The following PSD3 variants were observed in gnomAD, a reference collection of about 807,000 sequenced individuals.
PSD3 encodes PH and SEC7 domain-containing protein 3.
Under a neutral mutation model 105.5 loss-of-function variants are expected in PSD3, and 49 were observed. The ratio of observed to expected loss-of-function variants is 0.46; its 90% CI spans 0.37 to 0.59. The LOEUF is 0.59. Ranked by LOEUF, PSD3 falls within the 20% of genes least tolerant of loss-of-function variation. The probability of loss-of-function intolerance (pLI) is 0.00; values close to 1 mark genes in which losing one functional copy is unlikely to be tolerated. For synonymous variants in PSD3, 557 were observed against 457.8 expected (o/e 1.22, Z -2.77); for missense variants, 1,561 against 1,263.8 (o/e 1.24, Z -3.57).
chr8:18,577,605 T>C (rs1357905591), intron 12 of PSD3, among the ~76,000 whole-genome samples: 1 of 27,478 alleles, frequency 3.6e-5, no homozygotes, highest in African/African-American at 7.6e-5. Context: ...TTACTTAAAA[T>C]GTTCTTCTTT....
chr8:18,600,298 C>T (rs1804342034), intron 12 of PSD3, 66 bp downstream of exon 12: 4 of 1,382,362 alleles, frequency 2.9e-6, no homozygotes, highest in Admixed American at 1.7e-5. Flanking sequence ...ACCGTACATA[C>T]ATATACTGGA....
intron 1 of PSD3, among the ~76,000 whole-genome samples, chr8:18,967,250 G>C (rs941687305): frequency 6.6e-6 from 1 of 151,684 alleles, no homozygotes; most frequent in Non-Finnish European, 1.5e-5. Flanking sequence ...CTGCCTCCCA[G>C]GTTCAAGTGA....
intron 2 of PSD3, among the ~76,000 whole-genome samples, chr8:18,891,343 A>G (rs1818768615): frequency 6.6e-6 from 1 of 152,130 alleles, no homozygotes; most frequent in African/African-American, 2.4e-5. Flanking sequence ...ACAATAAATA[A>G]ATGCGTTTTC....
At chr8:18,570,843 C>CTATCATTATTATTAT (rs149261930) in intron 14 of PSD3, among the ~76,000 whole-genome samples, 8 of 117,418 alleles carry the variant, frequency 6.8e-5, no homozygotes, top group African/African-American at 2.1e-4. Context: ...CTGCTTAAAA[C>CTATCATTATTATTAT]TATTATTATT....
chr8:18,774,720 G>T (rs1481479610), intron 8 of PSD3: 5 of 361,370 alleles, frequency 1.4e-5, no homozygotes, highest in Non-Finnish European at 2.7e-5. Flanking sequence ...CCTGAGGTTT[G>T]TTTTCTGAGT....
intron 14 of PSD3, among the ~76,000 whole-genome samples, chr8:18,568,587 T>C (rs962683218): frequency 6.6e-6 from 1 of 152,154 alleles, no homozygotes; most frequent in Non-Finnish European, 1.5e-5. Context: ...ACTTTCAAGG[T>C]CTCTCAAGCA....
Position 18,607,696 on chromosome 8 carries a change from C to CAA in PSD3, c.2411-7264_2411-7263dup, listed in dbSNP as rs1491567677. Among the ~76,000 whole-genome samples the CAA allele has an allele frequency of 4.9e-3, 477 of 96,500 alleles. 20 individuals carry two copies. Among genetic ancestry groups the CAA allele is most frequent in the African/African-American group, 0.021 (453 of 21,800 alleles). The allele number at this position is 96,500 out of a possible 152,430, so 63.3% of individuals were successfully genotyped here. ...ACTCCACTGCTACAAAAAAAAAAAA[C>CAA]AAAACAAAAAAAAAAAGGAAGTCAG... On this transcript the variant is annotated intron_variant, in intron 11 of 15. Transcript: ENST00000327040.
At chr8:18,604,879 A>G (rs895312277) in intron 11 of PSD3, among the ~76,000 whole-genome samples, 6 of 152,216 alleles carry the variant, frequency 3.9e-5, no homozygotes, top group African/African-American at 1.4e-4. Context: ...TGTGGTTTTA[A>G]GCCTGTGGCT....
At chr8:18,596,976 C>T (rs577535125) in intron 12 of PSD3, among the ~76,000 whole-genome samples, 1 of 152,096 alleles carries the variant, frequency 6.6e-6, no homozygotes, top group Non-Finnish European at 1.5e-5. Context: ...TTTTATGAGG[C>T]CAGCATGACC....
chr8:18,787,133 G>C (rs1224305721), intron 8 of PSD3, among the ~76,000 whole-genome samples: 2 of 152,148 alleles, frequency 1.3e-5, no homozygotes, highest in Admixed American at 1.3e-4. Flanking sequence ...GGCTTCATAA[G>C]TATCCAAGAG....
At chr8:18,620,372 G>C (rs1410433967) in intron 11 of PSD3, among the ~76,000 whole-genome samples, 1 of 146,132 alleles carries the variant, frequency 6.8e-6, no homozygotes, top group Non-Finnish European at 1.5e-5. Flanking sequence ...CCCAGGCTGT[G>C]GTCACTCACA....
intron 14 of PSD3, among the ~76,000 whole-genome samples, chr8:18,565,415 C>T (rs1259654039): frequency 2.0e-5 from 3 of 152,116 alleles, no homozygotes; most frequent in Non-Finnish European, 4.4e-5. Flanking sequence ...GAAGGCGACT[C>T]CTCCTACACA....
At chr8:18,807,552 C>A (rs1811310161) in intron 4 of PSD3, among the ~76,000 whole-genome samples, 1 of 152,124 alleles carries the variant, frequency 6.6e-6, no homozygotes, top group Admixed American at 6.6e-5. Flanking sequence ...CTTATTTTGC[C>A]ATAGCTATTA....
intron 1 of PSD3, among the ~76,000 whole-genome samples, chr8:19,071,368 G>A (rs138882718): frequency 1.3e-5 from 2 of 152,032 alleles, no homozygotes; most frequent in Non-Finnish European, 2.9e-5. Flanking sequence ...ATTACTGTAG[G>A]TACATAATAA....
intron 9 of PSD3, among the ~76,000 whole-genome samples, chr8:18,741,258 G>C (rs1331508387): frequency 6.6e-6 from 1 of 152,154 alleles, no homozygotes; most frequent in Non-Finnish European, 1.5e-5. Flanking sequence ...CTGTTCACAA[G>C]ATGCGATGTC....
intron 9 of PSD3, among the ~76,000 whole-genome samples, chr8:18,757,391 G>A (rs7461699): frequency 2.0e-5 from 3 of 152,182 alleles, no homozygotes; most frequent in East Asian, 1.9e-4. Context: ...TTGAACCCAG[G>A]AGGCGGAGGT....
chr8:18,547,592 C>G (rs563590603), intron 15 of PSD3, among the ~76,000 whole-genome samples: 2 of 152,334 alleles, frequency 1.3e-5, no homozygotes, highest in African/African-American at 4.8e-5. Flanking sequence ...TCTCTTGCTA[C>G]ACTTTAATGC....
chr8:18,604,878 A>G (rs1804703306), intron 11 of PSD3, among the ~76,000 whole-genome samples: 1 of 152,226 alleles, frequency 6.6e-6, no homozygotes, highest in Non-Finnish European at 1.5e-5. Context: ...ATGTGGTTTT[A>G]AGCCTGTGGC....
intron 9 of PSD3, among the ~76,000 whole-genome samples, chr8:18,687,328 T>A (rs368497038): frequency 1.3e-5 from 2 of 152,052 alleles, no homozygotes; most frequent in East Asian, 3.9e-4. Context: ...TAGCCGGGCA[T>A]GATGATGAGC....
Sources: allele counts gnomAD v4.1 joint callset (sites outside exome capture counted in the v4.1 genomes callset), GRCh38; gene constraint gnomAD v4.1.1; transcripts MANE v1.5; gene names NCBI Gene and HGNC (gene_info 2026-07-23, HGNC 2026-07-21).